Variants in UBE2V2 observed in about 807,000 individuals in gnomAD.
The protein encoded by UBE2V2 is ubiquitin-conjugating enzyme E2 variant 2.
Under a neutral mutation model 17.2 loss-of-function variants are expected in UBE2V2, and 9 were observed. The observed-to-expected ratio is 0.52, with a 90% CI of 0.32 to 0.91. The LOEUF (loss-of-function observed/expected upper bound fraction) is 0.91. UBE2V2 is among the 40% of genes least tolerant of loss of function. The probability of loss-of-function intolerance (pLI) is 0.04; values close to 1 mark genes in which losing one functional copy is unlikely to be tolerated. For missense variants in UBE2V2, 133 were observed against 182.6 expected (o/e 0.73, Z 1.56); for synonymous variants, 61 against 57.5 (o/e 1.06, Z -0.28).
chr8:48,058,873 C>G (rs566438030), intron 3 of UBE2V2, among the ~76,000 whole-genome samples: 1 of 151,780 alleles, frequency 6.6e-6, no homozygotes, highest in African/African-American at 2.4e-5. Flanking sequence ...AATATTGAAT[C>G]TATCTTGTGT....
chr8:47,998,692 A>G, the UBE2V2 span, among the ~76,000 whole-genome samples: 1 of 150,164 alleles, frequency 6.7e-6, no homozygotes, highest in East Asian at 2.0e-4. Context: ...GAGAGAGAGA[A>G]AGAGAGAGTG....
chr8:48,008,310 GC>G, upstream of UBE2V2: 5 of 1,110,164 alleles, frequency 4.5e-6, no homozygotes, highest in Non-Finnish European at 5.9e-6. Flanking sequence ...CGACCCCTCG[GC>G]CCACGTGCGC....
Position 48,043,284 on chromosome 8 carries a change from A to G in UBE2V2, c.165+103A>G, listed in dbSNP as rs768500140. ...AAATAAGCAATTATGATAACTTCTA[A>G]AATAGTTCCTTTTTATTTTGTTTAC... On this transcript the variant is annotated intron_variant, in intron 2 of 3. Coordinates refer to ENST00000523111, the MANE Select transcript of UBE2V2 (RefSeq NM_003350.3). 1.6e-3 allele frequency: 1,459 copies of G among 923,740 alleles called. 3 individuals carry two copies. The highest frequency in any genetic ancestry group is 1.9e-3 in the Non-Finnish European group (1,268 of 685,156). The allele number at this position is 923,740 out of a possible 1,614,324, so 57.2% of individuals were successfully genotyped here. A position where few individuals can be genotyped will look rare whatever the true frequency, so the allele number is the denominator to read the frequency against.
intron 1 of UBE2V2, among the ~76,000 whole-genome samples, chr8:48,031,066 A>G (rs1299326705): frequency 3.3e-5 from 5 of 152,106 alleles, no homozygotes; most frequent in African/African-American, 1.2e-4. Flanking sequence ...AAAATTAGCC[A>G]GGTGTGGTGG....
chr8:48,028,748 A>G (rs1418131595), intron 1 of UBE2V2, among the ~76,000 whole-genome samples: 1 of 152,048 alleles, frequency 6.6e-6, no homozygotes, highest in African/African-American at 2.4e-5. Flanking sequence ...GGCCTCCCAA[A>G]GTGTTGGGAT....
rs45437995 is a variant in UBE2V2 at position 48,060,607 on chromosome 8, T to C, written c.292-75T>C. The stretch of plus-strand genomic sequence containing the variant: ...TATGAATTTTCAAAATCATTCTTAT[T>C]AAAATATGCTTAACAAATTGGTGCC... On this transcript the variant is annotated intron_variant, in intron 3 of 3. Coordinates refer to ENST00000523111, the MANE Select transcript of UBE2V2 (RefSeq NM_003350.3). 79 of 1,305,524 alleles carry C rather than the reference T, an allele frequency of 6.1e-5. 1 individual carries two copies. The East Asian group carries it at 2.2e-3, about 36-fold the overall frequency. 80.9% of individuals were successfully genotyped at this position (1,305,524 alleles called of 1,614,324 possible). A position where few individuals can be genotyped will look rare whatever the true frequency, so the allele number is the denominator to read the frequency against.
intron 1 of UBE2V2, among the ~76,000 whole-genome samples, chr8:48,011,134 C>A (rs2091227460): frequency 1.3e-5 from 2 of 152,126 alleles, no homozygotes; most frequent in Admixed American, 6.6e-5. Context: ...CATGATACAG[C>A]TTAAAATTTA....
rs1371852608 is a variant in UBE2V2, at chr8:48,063,660, T to A, written c.*2832T>A. 6.6e-6 allele frequency: 1 copy of A among 152,328 alleles called. No individual in the cohort carries two copies. Among genetic ancestry groups the A allele is most frequent in the East Asian group, 1.9e-4 (1 of 5,186 alleles). The allele number at this position is 152,328 out of a possible 1,614,324, so 9.4% of individuals were successfully genotyped here. On this transcript the variant is annotated 3_prime_UTR_variant, in exon 4 of 4. Coordinates refer to ENST00000523111, the MANE Select transcript of UBE2V2 (RefSeq NM_003350.3). Reference sequence around the variant, plus strand: ...ACCATTCTAAAGTAATGTCTTTTGTTGTGGGTTTATGTGTAACTACAGGAT... The same window carrying A: ...ACCATTCTAAAGTAATGTCTTTTGTAGTGGGTTTATGTGTAACTACAGGAT...
At chr8:48,036,296 G>A (rs1334339379) in intron 1 of UBE2V2, among the ~76,000 whole-genome samples, 1 of 151,866 alleles carries the variant, frequency 6.6e-6, no homozygotes, top group Non-Finnish European at 1.5e-5. Context: ...CATGTCTGAT[G>A]TTCTTAAGTA....
intron 1 of UBE2V2, among the ~76,000 whole-genome samples, chr8:48,041,286 A>G (rs1195353597): frequency 2.0e-5 from 3 of 150,968 alleles, no homozygotes. Context: ...GTTCCAGACC[A>G]GTCTGGCCAA....
intron 1 of UBE2V2, among the ~76,000 whole-genome samples, chr8:48,025,015 A>G (rs1589854144): frequency 6.7e-6 from 1 of 149,922 alleles, no homozygotes; most frequent in African/African-American, 2.5e-5. Context: ...GCTCACTGCA[A>G]CCTCCGCTTC....
At chr8:48,049,033 T>G (rs1007950289) in intron 2 of UBE2V2, among the ~76,000 whole-genome samples, 3 of 152,072 alleles carry the variant, frequency 2.0e-5, no homozygotes, top group African/African-American at 7.2e-5. Flanking sequence ...GTTAACAGAG[T>G]GAACAAAAGC....
the UBE2V2 span, among the ~76,000 whole-genome samples, chr8:47,997,840 G>C: frequency 6.6e-6 from 1 of 152,064 alleles, no homozygotes; most frequent in African/African-American, 2.4e-5. Context: ...CATACGGTGG[G>C]GGGGTCATGC....
rs531673929 is a variant in UBE2V2 at position 48,012,730 on chromosome 8, G to GA, written c.16+4267dup. On this transcript the variant is annotated intron_variant, in intron 1 of 3. Transcript: ENST00000523111. ...TGAGACTCCATCTCAGAAAAAAAAA[G>GA]AAAAAAAGCGTGTGCAATAGTTTTA... 2.7e-3 allele frequency among the ~76,000 whole-genome samples: 415 copies of GA among 151,268 alleles called. 5 individuals are homozygous for GA. The highest frequency in any genetic ancestry group is 0.017 in the South Asian group (80 of 4,788).
At chr8:48,058,652 A>G (rs948545227) in intron 3 of UBE2V2, among the ~76,000 whole-genome samples, 43 of 151,862 alleles carry the variant, frequency 2.8e-4, no homozygotes, top group Admixed American at 1.5e-3. Flanking sequence ...TTAGGAGGAA[A>G]GTATTTGGTC....
intron 1 of UBE2V2, among the ~76,000 whole-genome samples, chr8:48,027,738 G>A (rs779002307): frequency 1.3e-5 from 2 of 152,168 alleles, no homozygotes; most frequent in African/African-American, 2.4e-5. Context: ...TGGCTCAAGT[G>A]ATCCACCTGC....
chr8:48,014,778 T>C (rs762335690), intron 1 of UBE2V2, among the ~76,000 whole-genome samples: 4 of 151,520 alleles, frequency 2.6e-5, no homozygotes, highest in African/African-American at 4.8e-5. Flanking sequence ...TGGCTGGGCG[T>C]GGTGGCTCAC....
intron 1 of UBE2V2, among the ~76,000 whole-genome samples, chr8:48,012,738 G>A (rs2091242248): frequency 6.6e-6 from 1 of 151,928 alleles, no homozygotes; most frequent in Non-Finnish European, 1.5e-5. Context: ...AAGAAAAAAA[G>A]CGTGTGCAAT....
chr8:48,002,457 A>C, the UBE2V2 span, among the ~76,000 whole-genome samples: 1 of 152,200 alleles, frequency 6.6e-6, no homozygotes, highest in East Asian at 1.9e-4. Context: ...ACATTATCTC[A>C]CTTACTTGTG....
Sources: gnomAD v4.1 joint callset for allele counts (sites outside exome capture counted in the v4.1 genomes callset) on GRCh38, gnomAD v4.1.1 for gene constraint, MANE v1.5 for transcripts, NCBI Gene and HGNC (gene_info 2026-07-23, HGNC 2026-07-21) for gene names.